AGPAT5: variants seen among roughly 807,000 people sequenced by gnomAD.
AGPAT5 encodes 1-acylglycerol-3-phosphate O-acyltransferase 5.
In AGPAT5, 46 loss-of-function variants were observed where a neutral mutation model predicts 45.6. The ratio of observed to expected loss-of-function variants is 1.01; its 90% CI spans 0.80 to 1.29. The LOEUF is 1.29. Ranked by LOEUF, AGPAT5 falls within the 50% of genes most tolerant of loss-of-function variation. AGPAT5 has a pLI of 0.00. For synonymous variants in AGPAT5, 272 were observed against 167.0 expected, an observed-to-expected ratio of 1.63 and a Z score of -4.85; for missense variants, 673 against 450.7, an observed-to-expected ratio of 1.49 and a Z score of -4.47.
Position 6,755,095 on chromosome 8 carries a change from C to T in AGPAT5, c.790C>T (p.Arg264Cys), listed in dbSNP as rs570636724. The T allele has an allele frequency of 1.1e-5, 18 of 1,605,062 alleles. 1 individual carries two copies. The highest frequency in any genetic ancestry group is 1.7e-4 in the Middle Eastern group (1 of 6,040). ...TCCAAAAATTCATATTCACATTGAT[C>T]GTATCGACAAAAAAGATGTCCCAGA... is the stretch of plus-strand genomic sequence containing the variant. ...ECPKIHIHIDRIDKKDVPEEQ... is the reference protein window; with the variant it reads ...ECPKIHIHIDCIDKKDVPEEQ... The change falls in exon 7 of 8, where the codon CGT (arginine) becomes TGT (cysteine). Residue 264 changes from arginine to cysteine, a missense_variant. Physicochemically the swap from Arg to Cys is radical, Grantham distance 180 (BLOSUM62 -3). Transcript: ENST00000285518.
At position 6,730,748 on chromosome 8, in the gene AGPAT5, G is replaced by C. The variant is rs773275147; in HGVS notation, c.327G>C (p.Gln109His). 5 of 1,613,412 alleles carry C rather than the reference G, an allele frequency of 3.1e-6. No homozygotes were observed. The highest frequency in any genetic ancestry group is 1.1e-5 in the South Asian group (1 of 91,012). Residue 109 changes from glutamine to histidine, a missense_variant, in exon 3 of 8, where the codon CAG (glutamine) becomes CAC (histidine). Physicochemically the swap from Gln to His is conservative, Grantham distance 24 (BLOSUM62 0). Transcript: ENST00000285518. Reference sequence around the variant, plus strand: ...TTGCTGACATCTTGGCCATCAGGCAGAATGCGCTAGGACATGTGCGCTACG... The same window carrying C: ...TTGCTGACATCTTGGCCATCAGGCACAATGCGCTAGGACATGTGCGCTACG... ...WIVADILAIRQNALGHVRYVL... is the reference protein window; with the variant it reads ...WIVADILAIRHNALGHVRYVL...
At chr8:6,733,318 T>C (rs1314463291) in intron 4 of AGPAT5, among the ~76,000 whole-genome samples, 3 of 152,184 alleles carry the variant, frequency 2.0e-5, no homozygotes, top group Non-Finnish European at 4.4e-5. Flanking sequence ...CTTTCCTTTC[T>C]GGCTCCCTCC....
At chr8:6,741,074 T>C (rs181667002) in intron 4 of AGPAT5, among the ~76,000 whole-genome samples, 1 of 152,242 alleles carries the variant, frequency 6.6e-6, no homozygotes, top group East Asian at 1.9e-4. Flanking sequence ...TATTCTTCTT[T>C]ATATTATTTT....
chr8:6,717,915 C>G (rs570958012), intron 1 of AGPAT5, among the ~76,000 whole-genome samples: 35 of 152,262 alleles, frequency 2.3e-4, no homozygotes, highest in African/African-American at 8.2e-4. Flanking sequence ...GTAGTTTTGT[C>G]ACAGTCAAAA....
rs187327856 is a variant in AGPAT5, at chr8:6,715,316, G to A, written c.219+6429G>A. Reference sequence around the variant, plus strand: ...AAGGGCCAGCTTGGAAGGTAATGTAGTCATCCAGGTGAGAAATGATGGTTA... The same window carrying A: ...AAGGGCCAGCTTGGAAGGTAATGTAATCATCCAGGTGAGAAATGATGGTTA... On this transcript the variant is annotated intron_variant, in intron 1 of 7. Transcript: ENST00000285518. Among the ~76,000 whole-genome samples, 34 of 152,336 alleles carry A rather than the reference G, an allele frequency of 2.2e-4. 1 individual carries two copies. The East Asian group carries it at 5.0e-3, about 22-fold the overall frequency.
chr8:6,710,872 T>A (rs1482246515), intron 1 of AGPAT5, among the ~76,000 whole-genome samples: 1 of 152,218 alleles, frequency 6.6e-6, no homozygotes, highest in African/African-American at 2.4e-5. Context: ...GATGTTTTGA[T>A]TAAAATTTTT....
chr8:6,744,400 A>T (rs1291905275), intron 5 of AGPAT5, among the ~76,000 whole-genome samples: 1 of 152,234 alleles, frequency 6.6e-6, no homozygotes, highest in Non-Finnish European at 1.5e-5. Context: ...AGGCAGGGCC[A>T]CAAACTTGGT....
Position 6,755,086 on chromosome 8 carries a change from C to A in AGPAT5, c.781C>A (p.His261Asn). 1.2e-6 allele frequency: 2 copies of A among 1,600,830 alleles called. No individual in the cohort carries two copies. Among genetic ancestry groups the A allele is most frequent in the Non-Finnish European group, 8.5e-7 (1 of 1,175,964 alleles). The change falls in exon 7 of 8, where the codon CAC becomes AAC. Residue 261 changes from histidine to asparagine, a missense_variant. Transcript: ENST00000285518. ...LCKECPKIHI[H>N]IDRIDKKDVP... ...CAAAGAATGTCCAAAAATTCATATT[C>A]ACATTGATCGTATCGACAAAAAAGA...
intron 1 of AGPAT5, among the ~76,000 whole-genome samples, chr8:6,718,567 G>A (rs773804120): frequency 1.9e-4 from 29 of 152,332 alleles, no homozygotes; most frequent in Non-Finnish European, 8.8e-5. Flanking sequence ...GTTAGATGTA[G>A]TCTGCAAGCA....
At position 6,744,423 on chromosome 8, in the gene AGPAT5, C is replaced by T. The variant is rs187907062; in HGVS notation, c.586+2672C>T. On this transcript the variant is annotated intron_variant, in intron 5 of 7. Transcript: ENST00000285518. ...CCACAAACTTGGTGGCTTAAAACAC[C>T]ACAGATTTCTTCTCTTACATTTGAG... Among the ~76,000 whole-genome samples the T allele has an allele frequency of 3.3e-5, 5 of 152,296 alleles. No homozygotes were observed. The South Asian group carries it at 6.2e-4, about 19-fold the overall frequency.
intron 2 of AGPAT5, among the ~76,000 whole-genome samples, chr8:6,726,050 T>G (rs1800676191): frequency 6.6e-6 from 1 of 152,248 alleles, no homozygotes; most frequent in African/African-American, 2.4e-5. Context: ...GATAGGAATC[T>G]TGATGTATCT....
chr8:6,736,511 G>C (rs965273700), intron 4 of AGPAT5, among the ~76,000 whole-genome samples: 4 of 152,236 alleles, frequency 2.6e-5, no homozygotes, highest in Admixed American at 2.6e-4. Context: ...TCTTGTCTGA[G>C]TCACTTGTTT....
At chr8:6,714,414 T>C (rs1268844074) in intron 1 of AGPAT5, among the ~76,000 whole-genome samples, 1 of 152,228 alleles carries the variant, frequency 6.6e-6, no homozygotes, top group Non-Finnish European at 1.5e-5. Flanking sequence ...CTGCTTAACT[T>C]ACTAGACTTA....
chr8:6,742,539 C>A (rs917012736), intron 5 of AGPAT5, among the ~76,000 whole-genome samples: 1 of 152,148 alleles, frequency 6.6e-6, no homozygotes, highest in South Asian at 2.1e-4. Flanking sequence ...ACAGCAGGGC[C>A]TATGACAGTG....
chr8:6,749,150 A>T (rs1801570772), intron 6 of AGPAT5, among the ~76,000 whole-genome samples: 1 of 152,210 alleles, frequency 6.6e-6, no homozygotes. Flanking sequence ...GTGAGATTAT[A>T]GTTGTCAAAT....
chr8:6,747,862 A>G, intron 6 of AGPAT5, 34 bp downstream of exon 6: 3 of 1,602,506 alleles, frequency 1.9e-6, no homozygotes, highest in Non-Finnish European at 2.6e-6. Flanking sequence ...ATGCCTGTAC[A>G]CGGTATATAC....
chr8:6,756,862 C>G (rs928338771), intron 7 of AGPAT5, among the ~76,000 whole-genome samples: 5 of 152,142 alleles, frequency 3.3e-5, no homozygotes, highest in African/African-American at 7.2e-5. Flanking sequence ...ATTTGTGAGT[C>G]AGGTCACTGT....
chr8:6,739,159 T>A lies in AGPAT5; in HGVS notation c.496-2502T>A, dbSNP rs148791977. Among the ~76,000 whole-genome samples, 251 of 152,242 alleles carry A rather than the reference T, an allele frequency of 1.6e-3. 1 individual carries two copies. Among genetic ancestry groups the A allele is most frequent in the African/African-American group, 5.9e-3 (244 of 41,554 alleles). ...TGTTATATTGATCTATATATATATA[T>A]CCTTATGCCAATACCATACTGTCTT... is the stretch of plus-strand genomic sequence containing the variant. On this transcript the variant is annotated intron_variant, in intron 4 of 7. Coordinates refer to ENST00000285518, the MANE Select transcript of AGPAT5 (RefSeq NM_018361.5).
chr8:6,720,895 C>G (rs1800475471), intron 1 of AGPAT5, among the ~76,000 whole-genome samples: 1 of 152,132 alleles, frequency 6.6e-6, no homozygotes, highest in African/African-American at 2.4e-5. Context: ...AGTTTATTCA[C>G]TAGACATGGT....
Sources: gnomAD v4.1 joint callset for allele counts (sites outside exome capture counted in the v4.1 genomes callset) on GRCh38, gnomAD v4.1.1 for gene constraint, MANE v1.5 for transcripts, NCBI Gene and HGNC (gene_info 2026-07-23, HGNC 2026-07-21) for gene names.